The following MOSPD1 variants were observed in gnomAD, a reference collection of about 807,000 sequenced individuals.
MOSPD1 encodes motile sperm domain containing 1, also known as motile sperm domain-containing protein 1.
Under a neutral mutation model 16.7 loss-of-function variants are expected in MOSPD1, and 5 were observed. The ratio of observed to expected loss-of-function variants is 0.30; its 90% CI spans 0.16 to 0.63. The LOEUF is 0.63. Ranked by LOEUF, MOSPD1 falls within the 30% of genes least tolerant of loss-of-function variation. The probability of loss-of-function intolerance (pLI) is 0.82; values close to 1 mark genes in which losing one functional copy is unlikely to be tolerated. For synonymous variants in MOSPD1, 67 were observed against 59.2 expected, an observed-to-expected ratio of 1.13 and a Z score of -0.61; for missense variants, 104 against 153.6, an observed-to-expected ratio of 0.68 and a Z score of 1.71.
intron 1 of MOSPD1, among the ~76,000 whole-genome samples, chrX:134,912,711 G>A (rs1315342628): frequency 4.6e-5 from 5 of 109,508 alleles, no homozygotes; most frequent in African/African-American, 6.6e-5. Flanking sequence ...AGGCTGAGGC[G>A]GGTAGATCAC....
intron 1 of MOSPD1, among the ~76,000 whole-genome samples, chrX:134,901,393 A>C (rs1054492363): frequency 9.0e-6 from 1 of 111,390 alleles, no homozygotes; most frequent in Non-Finnish European, 1.9e-5. Flanking sequence ...TCACACCTGT[A>C]ATCCCAGCAC....
chrX:134,899,586 T>C, intron 1 of MOSPD1, 52 bp from the exon 2 acceptor site: 1 of 518,274 alleles, frequency 1.9e-6, no homozygotes, highest in Non-Finnish European at 3.0e-6. Flanking sequence ...CCAATTTTCA[T>C]TAATCTATAG....
chrX:134,903,711 CAAAAAAAAA>C (rs772831491), intron 1 of MOSPD1, among the ~76,000 whole-genome samples: 42 of 54,957 alleles, frequency 7.6e-4, no homozygotes, highest in African/African-American at 2.9e-3. Context: ...GACTCCATCT[CAAAAAAAAA>C]AAAAAAAAAG....
chrX:134,900,942 C>T (rs1256848820), intron 1 of MOSPD1, among the ~76,000 whole-genome samples: 2 of 111,782 alleles, frequency 1.8e-5, no homozygotes, highest in Admixed American at 9.6e-5. Flanking sequence ...CTGTGGATCA[C>T]ACCTTTAAAA....
intron 4 of MOSPD1, among the ~76,000 whole-genome samples, chrX:134,896,273 G>A (rs983078744): frequency 1.8e-5 from 2 of 111,359 alleles, no homozygotes; most frequent in African/African-American, 6.5e-5. Flanking sequence ...AAGGAAATGA[G>A]GGCTGGAGAG....
At chrX:134,912,431 G>A (rs1039178861) in intron 1 of MOSPD1, among the ~76,000 whole-genome samples, 1 of 109,814 alleles carries the variant, frequency 9.1e-6, no homozygotes, top group East Asian at 2.9e-4. Flanking sequence ...CACCTGCCTC[G>A]GCCTCCCAAA....
intron 3 of MOSPD1, among the ~76,000 whole-genome samples, chrX:134,897,308 G>A (rs754514713): frequency 1.5e-4 from 17 of 110,071 alleles, no homozygotes; most frequent in Non-Finnish European, 2.8e-4. Context: ...GTCAGGCGCA[G>A]TGGCTCACAC....
At position 134,896,999 on chromosome X, in the gene MOSPD1, T is replaced by A; in HGVS notation, c.266A>T (p.Tyr89Phe). 1 of 1,208,002 alleles carries A rather than the reference T, an allele frequency of 8.3e-7. No homozygotes were observed. Among genetic ancestry groups the A allele is most frequent in the Non-Finnish European group, 1.1e-6 (1 of 893,122 alleles). Residue 89 changes from tyrosine to phenylalanine, a missense_variant, in exon 4 of 6, where the codon TAT becomes TTT. Transcript: ENST00000370783. ...GAGACGGAATTTGTCTATTACACCA[T>A]AGTGACAGGATCGAACATCTCGATG... ...IRHRDVRSCH[Y>F]GVIDKFRLQV...
intron 1 of MOSPD1, among the ~76,000 whole-genome samples, chrX:134,912,300 G>A (rs774036399): frequency 1.8e-5 from 2 of 111,208 alleles, no homozygotes; most frequent in African/African-American, 3.3e-5. Context: ...CGCCTGCCTC[G>A]GCCTCCCAAA....
chrX:134,906,082 T>C (rs1699016828), intron 1 of MOSPD1, among the ~76,000 whole-genome samples: 1 of 111,055 alleles, frequency 9.0e-6, no homozygotes, highest in African/African-American at 3.3e-5. Context: ...GAATCACGAA[T>C]AGGCTATCTC....
chrX:134,889,232 C>T, intron 5 of MOSPD1, 40 bp from the exon 6 acceptor site: 1 of 1,055,050 alleles, frequency 9.5e-7, no homozygotes. Context: ...AGGTATGCAC[C>T]TAACAGAATC....
chrX:134,907,902 G>A (rs1402246172), intron 1 of MOSPD1, among the ~76,000 whole-genome samples: 1 of 112,133 alleles, frequency 8.9e-6, no homozygotes, highest in Non-Finnish European at 1.9e-5. Context: ...CCAAGTAGCT[G>A]GGACCACAGG....
At chrX:134,895,653 T>C (rs1446808195) in intron 4 of MOSPD1, among the ~76,000 whole-genome samples, 2 of 111,954 alleles carry the variant, frequency 1.8e-5, no homozygotes, top group Non-Finnish European at 3.8e-5. Flanking sequence ...CTTTACAATA[T>C]TGATCTGATA....
chrX:134,895,155 C>A (rs966616859), intron 4 of MOSPD1, among the ~76,000 whole-genome samples: 18 of 109,878 alleles, frequency 1.6e-4, no homozygotes, highest in African/African-American at 6.0e-4. Context: ...CTAGGTAAGA[C>A]GAGCCTGGGC....
At chrX:134,894,018 AC>A (rs1367935571) in intron 4 of MOSPD1, among the ~76,000 whole-genome samples, 1 of 111,796 alleles carries the variant, frequency 8.9e-6, no homozygotes, top group African/African-American at 3.2e-5. Context: ...CTTTTTAATA[AC>A]CTGAACTCTA....
intron 1 of MOSPD1, among the ~76,000 whole-genome samples, chrX:134,906,143 T>G (rs931622183): frequency 3.7e-5 from 4 of 109,104 alleles, no homozygotes; most frequent in Non-Finnish European, 7.6e-5. Context: ...TTTACTATTA[T>G]TTCTTTTCCT....
chrX:134,904,753 T>G (rs1447965857), intron 1 of MOSPD1, among the ~76,000 whole-genome samples: 1 of 108,773 alleles, frequency 9.2e-6, no homozygotes, highest in Non-Finnish European at 1.9e-5. Flanking sequence ...TCCCAGCTAC[T>G]AGGGAGGCTG....
chrX:134,905,855 G>C (rs768304267), intron 1 of MOSPD1, among the ~76,000 whole-genome samples: 7 of 112,201 alleles, frequency 6.2e-5, no homozygotes, highest in Non-Finnish European at 1.1e-4. Context: ...TGTTTTAAAA[G>C]AGTATGAAAT....
At chrX:134,906,847 TA>T (rs1361099303) in intron 1 of MOSPD1, among the ~76,000 whole-genome samples, 1 of 111,768 alleles carries the variant, frequency 8.9e-6, no homozygotes, top group African/African-American at 3.2e-5. Flanking sequence ...TTAAGAGACT[TA>T]TCCAAGGTTG....
Sources: allele counts gnomAD v4.1 joint callset (sites outside exome capture counted in the v4.1 genomes callset), GRCh38; gene constraint gnomAD v4.1.1; transcripts MANE v1.5; gene names NCBI Gene and HGNC (gene_info 2026-07-23, HGNC 2026-07-21).